Variants in NTM observed in about 807,000 individuals in gnomAD.
NTM encodes the protein neurotrimin.
In NTM, 13 loss-of-function variants were observed where a neutral mutation model predicts 42.1. The ratio of observed to expected loss-of-function variants is 0.31; its 90% confidence interval spans 0.20 to 0.49. The LOEUF is 0.49. Ranked by LOEUF, NTM falls within the 20% of genes least tolerant of loss-of-function variation. The probability of loss-of-function intolerance (pLI) is 0.99; values close to 1 mark genes in which losing one functional copy is unlikely to be tolerated. For missense variants in NTM, 373 were observed against 452.8 expected, an observed-to-expected ratio of 0.82 and a Z score of 1.60; for synonymous variants, 187 against 179.2, an observed-to-expected ratio of 1.04 and a Z score of -0.35.
intron 1 of NTM, among the ~76,000 whole-genome samples, chr11:131,692,435 T>C (rs2074907076): frequency 6.6e-6 from 1 of 152,166 alleles, no homozygotes; most frequent in Non-Finnish European, 1.5e-5. Flanking sequence ...GACACAGGGC[T>C]AGCCTACCTC....
intron 1 of NTM, among the ~76,000 whole-genome samples, chr11:131,659,391 G>A (rs149603473): frequency 6.6e-6 from 1 of 152,296 alleles, no homozygotes; most frequent in East Asian, 1.9e-4. Flanking sequence ...GGGAGCAAGG[G>A]GATGGCCCTC....
chr11:132,186,470 C>T (rs73595495), intron 3 of NTM, among the ~76,000 whole-genome samples: 8,137 of 152,260 alleles, frequency 0.053, 411 homozygotes, highest in East Asian at 0.13. Flanking sequence ...CCCAGCTCCC[C>T]GAGGAACCTG....
At chr11:131,387,183 G>T (rs1327748476) in intron 1 of NTM, among the ~76,000 whole-genome samples, 1 of 151,976 alleles carries the variant, frequency 6.6e-6, no homozygotes, top group African/African-American at 2.4e-5. Context: ...GAAAACTTTC[G>T]GCACTCAATT....
chr11:132,312,767 T>C (rs1427619631), intron 6 of NTM: 1 of 154,864 alleles, frequency 6.5e-6, no homozygotes, highest in African/African-American at 2.4e-5. Flanking sequence ...CCTGACTTGC[T>C]CGCAGAATCC....
At chr11:131,918,977 A>G (rs2056833045) in intron 2 of NTM, among the ~76,000 whole-genome samples, 1 of 152,186 alleles carries the variant, frequency 6.6e-6, no homozygotes, top group Non-Finnish European at 1.5e-5. Context: ...TACCATGAAC[A>G]TTTCCACGTA....
chr11:132,239,557 G>A (rs1000086391), intron 4 of NTM, among the ~76,000 whole-genome samples: 10 of 152,098 alleles, frequency 6.6e-5, no homozygotes, highest in Non-Finnish European at 1.2e-4. Context: ...TACTGAGAGA[G>A]ACAGAAAAAA....
intron 7 of NTM, among the ~76,000 whole-genome samples, chr11:132,316,209 T>A (rs912628333): frequency 6.6e-6 from 1 of 151,470 alleles, no homozygotes; most frequent in African/African-American, 2.4e-5. Context: ...CTTCCCCGGC[T>A]TCTTCTCCTT....
intron 1 of NTM, among the ~76,000 whole-genome samples, chr11:131,783,057 T>C (rs1207218520): frequency 6.6e-6 from 1 of 152,104 alleles, no homozygotes; most frequent in Non-Finnish European, 1.5e-5. Flanking sequence ...AATTTATGAG[T>C]GGCATGATTG....
At chr11:131,708,187 A>G (rs1304955035) in intron 1 of NTM, among the ~76,000 whole-genome samples, 1 of 152,134 alleles carries the variant, frequency 6.6e-6, no homozygotes, top group East Asian at 1.9e-4. Flanking sequence ...AATATAACAA[A>G]CCGTTAATAC....
chr11:131,735,337 C>T (rs762529723), intron 1 of NTM, among the ~76,000 whole-genome samples: 5 of 152,182 alleles, frequency 3.3e-5, no homozygotes, highest in Non-Finnish European at 7.3e-5. Flanking sequence ...TTTTGACCCT[C>T]AGTGCCTCCA....
chr11:132,269,988 C>T (rs1331585294), intron 4 of NTM, among the ~76,000 whole-genome samples: 1 of 152,174 alleles, frequency 6.6e-6, no homozygotes, highest in African/African-American at 2.4e-5. Context: ...AAAACCTCTC[C>T]ATCGAGCGAG....
At chr11:131,551,232 A>G (rs745464232) in intron 1 of NTM, among the ~76,000 whole-genome samples, 1 of 152,170 alleles carries the variant, frequency 6.6e-6, no homozygotes, top group Non-Finnish European at 1.5e-5. Flanking sequence ...AAATGGGAGG[A>G]CCCAAGGTGA....
intron 1 of NTM, among the ~76,000 whole-genome samples, chr11:131,489,531 A>C (rs1296543562): frequency 3.9e-5 from 6 of 152,218 alleles, no homozygotes; most frequent in Non-Finnish European, 8.8e-5. Flanking sequence ...CTGACTTGGA[A>C]GGTCTAGGAA....
intron 1 of NTM, among the ~76,000 whole-genome samples, chr11:131,750,334 TGCCACATACCCA>T (rs2082329665): frequency 6.6e-6 from 1 of 152,226 alleles, no homozygotes; most frequent in Non-Finnish European, 1.5e-5. Flanking sequence ...ACATGTACAT[TGCCACATACCCA>T]TGTGTTTTCA....
chr11:131,405,338 T>C (rs11606937), intron 1 of NTM, among the ~76,000 whole-genome samples: 12,735 of 152,226 alleles, frequency 0.084, 699 homozygotes, highest in Non-Finnish European at 0.12. Flanking sequence ...CAAATGGAAA[T>C]TGTAGTCCAA....
chr11:132,201,991 T>C (rs2081232136), intron 3 of NTM, among the ~76,000 whole-genome samples: 1 of 152,258 alleles, frequency 6.6e-6, no homozygotes, highest in African/African-American at 2.4e-5. Flanking sequence ...TGAGGAATAA[T>C]ATTAAAAAGT....
At position 132,311,044 on chromosome 11, in the gene NTM, G is replaced by T. The variant is rs75945580; in HGVS notation, c.782+812G>T. Among the ~76,000 whole-genome samples the T allele has an allele frequency of 4.8e-3, 726 of 152,282 alleles. 6 individuals are homozygous for T. The highest frequency in any genetic ancestry group is 0.017 in the African/African-American group (694 of 41,548). On this transcript the variant is annotated intron_variant, in intron 6 of 8. Transcript: ENST00000683400. Reference sequence around the variant, plus strand: ...TAGAGAGTCCTGAGGTGTATGTGGGGTGGAGTAAGAGCAAGGAGTGGGGGA... The same window carrying T: ...TAGAGAGTCCTGAGGTGTATGTGGGTTGGAGTAAGAGCAAGGAGTGGGGGA...
chr11:131,602,635 T>A (rs2060588779), intron 1 of NTM, among the ~76,000 whole-genome samples: 1 of 152,194 alleles, frequency 6.6e-6, no homozygotes, highest in South Asian at 2.1e-4. Context: ...ACTCTCAAAT[T>A]TATATCTTCA....
rs1376778749 is a variant in NTM, at chr11:132,090,066, G to A, written c.168-56216G>A. ...ATCCTCACAATATCCTTGGAGGGTA[G>A]GTATTATTATCCCCATTCACAGACA... On this transcript the variant is annotated intron_variant, in intron 2 of 8. Transcript: ENST00000683400. 3.9e-5 allele frequency among the ~76,000 whole-genome samples: 6 copies of A among 152,064 alleles called. No homozygotes were observed. The East Asian group carries it at 1.2e-3, about 29-fold the overall frequency.
Sources: allele counts gnomAD v4.1 joint callset (sites outside exome capture counted in the v4.1 genomes callset), GRCh38; gene constraint gnomAD v4.1.1; transcripts MANE v1.5; gene names NCBI Gene and HGNC (gene_info 2026-07-23, HGNC 2026-07-21).